The following ABCA7 variants were observed in gnomAD, a reference collection of about 807,000 sequenced individuals.
ABCA7 encodes ATP binding cassette subfamily A member 7.
Under a neutral mutation model 227.6 loss-of-function variants are expected in ABCA7, and 261 were observed. That is an observed-to-expected ratio of 1.15 (90% CI 1.04 to 1.27). The LOEUF (loss-of-function observed/expected upper bound fraction) is 1.27. Among genes scored for constraint, ABCA7 ranks in the 50% most tolerant of loss-of-function variants. ABCA7 has a pLI of 0.00. For synonymous variants in ABCA7, 1,488 were observed against 1,279.7 expected, an observed-to-expected ratio of 1.16 and a Z score of -3.47; for missense variants, 3,331 against 2,924.5, an observed-to-expected ratio of 1.14 and a Z score of -3.21.
Position 1,058,004 on chromosome 19 carries a change from T to G in ABCA7, c.4970T>G (p.Phe1657Cys). 6.2e-7 allele frequency: 1 copy of G among 1,614,076 alleles called. No individual in the cohort carries two copies. Among genetic ancestry groups the G allele is most frequent in the Non-Finnish European group, 8.5e-7 (1 of 1,180,024 alleles). Residue 1657 changes from phenylalanine (F) to cysteine (C), a missense_variant, in exon 36 of 47, where the codon TTT (phenylalanine) becomes TGT (cysteine). Transcript: ENST00000263094. ...GTGGTGCTCACCTGCATAAACCTCT[T>G]TATTGGCATCAATGGAAGCATGGCC... ...AYVVLTCINL[F>C]IGINGSMATF...
In ABCA7 at chr19:1,041,923, C is replaced by G. The variant is rs146597357; in HGVS notation, c.253C>G (p.Leu85Val). The change falls in exon 4 of 47, where the codon CTG becomes GTG. Residue 85 changes from leucine to valine, a missense_variant. Coordinates refer to ENST00000263094, the MANE Select transcript of ABCA7 (RefSeq NM_019112.4). Reference sequence around the variant, plus strand: ...TGTGAACAACACCTGCTTTCCGCAGCTGACACCGGGCGAGGAGCCCGGGCG... The same window carrying G: ...TGTGAACAACACCTGCTTTCCGCAGGTGACACCGGGCGAGGAGCCCGGGCG... ...CNVNNTCFPQ[L>V]TPGEEPGRLS... 2 of 1,599,566 alleles carry G rather than the reference C, an allele frequency of 1.3e-6. No individual in the cohort carries two copies. The highest frequency in any genetic ancestry group is 1.7e-6 in the Non-Finnish European group (2 of 1,177,776).
chr19:1,041,534 T>C lies in ABCA7; in HGVS notation c.91T>C (p.Trp31Arg). 6.2e-7 allele frequency: 1 copy of C among 1,613,704 alleles called. No homozygotes were observed. Among genetic ancestry groups the C allele is most frequent in the Non-Finnish European group, 8.5e-7 (1 of 1,180,026 alleles). ...QPVQLLVELLWPLFLFFILVA... is the reference protein window; with the variant it reads ...QPVQLLVELLRPLFLFFILVA... ...GGTCCAGCTCCTGGTCGAATTGCTGTGGCCTCTCTTCCTCTTCTTCATCCT... is the reference window on the plus strand; with the variant it reads ...GGTCCAGCTCCTGGTCGAATTGCTGCGGCCTCTCTTCCTCTTCTTCATCCT... The change falls in exon 3 of 47, where the codon TGG (tryptophan) becomes CGG (arginine). Residue 31 changes from tryptophan (W) to arginine (R), a missense_variant. Coordinates refer to ENST00000263094, the MANE Select transcript of ABCA7 (RefSeq NM_019112.4).
Position 1,046,924 on chromosome 19 carries a change from GC to G in ABCA7, c.1746del (p.Ala583ProfsTer11). 1 of 1,558,174 alleles carries G rather than the reference GC, an allele frequency of 6.4e-7. No individual in the cohort carries two copies. The highest frequency in any genetic ancestry group is 1.9e-5 in the Admixed American group (1 of 52,378). ...GAGACGCGGCTGCGGGACACCATGC[GC>G]GCCATGGGGCTCAGCCGCGCGGTGC... The part of the protein sequence containing the change: ...EKETRLRDTM[R>X]AMGLSRAVLW... On this transcript the variant is annotated frameshift_variant, in exon 14 of 47. Transcript: ENST00000263094. LOFTEE classifies it high-confidence loss of function.
rs769195821 is a variant in ABCA7, at chr19:1,045,235, A to G, written c.1445+4A>G. ...GGACCAATAAGATCAGGGACAGGTCAGGCGAGGGAGGGGGCGGGGGGATGA... is the reference window on the plus strand; with the variant it reads ...GGACCAATAAGATCAGGGACAGGTCGGGCGAGGGAGGGGGCGGGGGGATGA... On this transcript the variant is annotated splice_donor_region_variant and intron_variant, in intron 12 of 46. Coordinates refer to ENST00000263094, the MANE Select transcript of ABCA7 (RefSeq NM_019112.4). 14 of 1,042,984 alleles carry G rather than the reference A, an allele frequency of 1.3e-5. No individual in the cohort carries two copies. Among genetic ancestry groups the G allele is most frequent in the Non-Finnish European group, 2.0e-5 (14 of 717,330 alleles). 64.6% of individuals were successfully genotyped at this position (1,042,984 alleles called of 1,614,324 possible). A position where few individuals can be genotyped will look rare whatever the true frequency, so the allele number is the denominator to read the frequency against.
chr19:1,056,422 G>A lies in ABCA7; in HGVS notation c.4509G>A (p.Pro1503=), dbSNP rs113711363. 6,286 of 1,613,342 alleles carry A rather than the reference G, an allele frequency of 3.9e-3. 163 individuals are homozygous for A. In the African/African-American group the frequency reaches 0.064, roughly 16 times the overall value. The change falls in exon 33 of 47, where the codon CCG becomes CCA. Residue 1503 remains proline (P), a synonymous_variant. Transcript: ENST00000263094. The surrounding 1 kb of genome is among the most constrained non-coding windows in gnomAD (Gnocchi z 4.3). ...AILRAHLPPG[P]ARHAHSITTL... ...TCCGTGCTCACCTGCCCCCAGGCCC[G>A]GCCCGCCACGCCCACAGCATCACCA...
In ABCA7 at chr19:1,058,179, G is replaced by T. The variant is rs368743296; in HGVS notation, c.5059G>T (p.Val1687Phe). The change falls in exon 37 of 47, where the codon GTC (valine) becomes TTC (phenylalanine). Residue 1687 changes from valine (V) to phenylalanine (F), a missense_variant. Coordinates refer to ENST00000263094, the MANE Select transcript of ABCA7 (RefSeq NM_019112.4). ...LQEVSRILKQ[V>F]FLIFPHFCLG... ...GGAGGTGAGCCGGATCTTGAAACAG[G>T]TCTTCCTTATCTTCCCCCACTTCTG... 1.2e-6 allele frequency: 2 copies of T among 1,613,722 alleles called. No homozygotes were observed. The highest frequency in any genetic ancestry group is 8.5e-7 in the Non-Finnish European group (1 of 1,179,954).
intron 16 of ABCA7, 38 bp downstream of exon 16, chr19:1,047,692 C>A (rs760891196): frequency 6.5e-7 from 1 of 1,538,136 alleles, no homozygotes; most frequent in East Asian, 2.4e-5. Flanking sequence ...CCGGGTCGCA[C>A]CTGCTTTGCG....
At position 1,047,716 on chromosome 19, in the gene ABCA7, G is replaced by C. The variant is rs556804767; in HGVS notation, c.2269+62G>C. The C allele has an allele frequency of 1.1e-4, 160 of 1,494,704 alleles. 1 individual carries two copies. The East Asian group carries it at 3.9e-3, about 36-fold the overall frequency. 92.6% of individuals were successfully genotyped at this position (1,494,704 alleles called of 1,614,324 possible). A position where few individuals can be genotyped will look rare whatever the true frequency, so the allele number is the denominator to read the frequency against. ...ACCTGCTTTGCGGGAGGCTGAGCTA[G>C]GGGTGTGGCCTCCAGGCCGTTTGGG... On this transcript the variant is annotated intron_variant, in intron 16 of 46. Coordinates refer to ENST00000263094, the MANE Select transcript of ABCA7 (RefSeq NM_019112.4).
At position 1,046,883 on chromosome 19, in the gene ABCA7, C is replaced by T. The variant is rs1425588571; in HGVS notation, c.1704C>T (p.Ala568=). 3 of 1,548,774 alleles carry T rather than the reference C, an allele frequency of 1.9e-6. No homozygotes were observed. Among genetic ancestry groups the T allele is most frequent in the African/African-American group, 1.4e-5 (1 of 73,770 alleles). The change falls in exon 14 of 47, where the codon GCC becomes GCT. Residue 568 remains alanine, a synonymous_variant. Transcript: ENST00000263094. ...WIYSVTLTVK[A]VVREKETRLR... is the part of the protein sequence containing the mutation. ...ACTCCGTGACACTGACAGTGAAGGC[C>T]GTGGTGCGGGAGAAGGAGACGCGGC...
Position 1,047,463 on chromosome 19 carries a change from C to T in ABCA7, c.2078C>T (p.Ser693Leu). ...CCCGCTTTTCCGCAGAGCCTGCTGT[C>T]GCCCGTGGCCTTCGGCTTCGGCTGC... ...AGGRVAASLL[S>L]PVAFGFGCES... The change falls in exon 16 of 47, where the codon TCG becomes TTG. Residue 693 changes from serine to leucine, a missense_variant. Coordinates refer to ENST00000263094, the MANE Select transcript of ABCA7 (RefSeq NM_019112.4). 6.5e-7 allele frequency: 1 copy of T among 1,550,350 alleles called. No individual in the cohort carries two copies. Among genetic ancestry groups the T allele is most frequent in the Non-Finnish European group, 8.7e-7 (1 of 1,151,804 alleles).
At chr19:1,046,508 C>A (rs1489837738) in intron 13 of ABCA7, 102 bp downstream of exon 13, 3 of 1,464,618 alleles carry the variant, frequency 2.0e-6, no homozygotes, top group Admixed American at 2.3e-5. Flanking sequence ...GTCCAGGCTG[C>A]GAACTTTGCA....
Position 1,043,725 on chromosome 19 carries a change from G to C in ABCA7, c.931G>C (p.Val311Leu), listed in dbSNP as rs1223165223. The C allele has an allele frequency of 3.7e-6, 6 of 1,612,412 alleles. No individual in the cohort carries two copies. Among genetic ancestry groups the C allele is most frequent in the Non-Finnish European group, 5.1e-6 (6 of 1,179,926 alleles). The change falls in exon 10 of 47, where the codon GTG becomes CTG. Residue 311 changes from valine (V) to leucine (L), a missense_variant and splice_region_variant. Transcript: ENST00000263094. ...TCAGTGGAGGGGGTGCTGTCCACAG[G>C]TGAACCGGACCTTCGAGGAGCTCAC... is the stretch of plus-strand genomic sequence containing the variant. ...TPFTRKLMAQ[V>L]NRTFEELTLL...
Position 1,045,442 on chromosome 19 carries a change from G to T in ABCA7, c.1445+211G>T. 3 of 595,500 alleles carry T rather than the reference G, an allele frequency of 5.0e-6. No individual in the cohort carries two copies. The South Asian group carries it at 6.0e-5, about 12-fold the overall frequency. 36.9% of individuals were successfully genotyped at this position (595,500 alleles called of 1,614,324 possible). On this transcript the variant is annotated intron_variant, in intron 12 of 46. Transcript: ENST00000263094. ...AGGTGCATGAGGGGCGTGGCCATGG[G>T]CCTGAGATAAGATGAGAGCAGGTAT...
At chr19:1,052,745 A>C (rs2041887244) in intron 23 of ABCA7, among the ~76,000 whole-genome samples, 1 of 142,858 alleles carries the variant, frequency 7.0e-6, no homozygotes. Context: ...GGAGGAGAGC[A>C]CTTGAGAACC....
chr19:1,057,228 G>A (rs1203703714), intron 34 of ABCA7, 86 bp from the exon 35 acceptor site: 3 of 1,569,494 alleles, frequency 1.9e-6, no homozygotes, highest in Non-Finnish European at 1.7e-6. Flanking sequence ...TACTCAAAAA[G>A]CAAGGAGGTC....
intron 11 of ABCA7, 22 bp from the exon 12 acceptor site, chr19:1,044,980 G>T (rs2040468825): frequency 6.2e-7 from 1 of 1,610,720 alleles, no homozygotes. Flanking sequence ...CAGCGCCTAG[G>T]ACTCACCCCC....
At chr19:1,053,144 T>C (rs539906570) in intron 23 of ABCA7, among the ~76,000 whole-genome samples, 185 bp from the exon 24 acceptor site, 1 of 152,326 alleles carries the variant, frequency 6.6e-6, no homozygotes, top group East Asian at 1.9e-4. Context: ...TCTGCCTGCT[T>C]CAACCCTCAA....
chr19:1,055,179 T>C lies in ABCA7; in HGVS notation c.4033T>C (p.Cys1345Arg), dbSNP rs780608801. Residue 1345 changes from cysteine to arginine, a missense_variant, in exon 30 of 47, where the codon TGC becomes CGC. Cys to Arg is a radical substitution (Grantham distance 180). Transcript: ENST00000263094. ...GACCCCAGAGTCTCCATCCCCAGCC[T>C]GCCAGTGTAGCCGGCCCGGTGCCCG... ...NWTPESPSPA[C>R]QCSRPGARRL... The C allele has an allele frequency of 1.9e-6, 3 of 1,612,600 alleles. No homozygotes were observed. In the Admixed American group the frequency reaches 5.0e-5, roughly 27 times the overall value.
chr19:1,064,155 C>G lies in ABCA7; in HGVS notation c.5952-6C>G. The G allele has an allele frequency of 1.9e-6, 3 of 1,561,290 alleles. No homozygotes were observed. The highest frequency in any genetic ancestry group is 1.4e-5 in the African/African-American group (1 of 73,564). Reference sequence around the variant, plus strand: ...TCACGGAGCTCGTGGTGCCGGGTCCCGACAGCATGGAGGAGTGTGAAGCGC... The same window carrying G: ...TCACGGAGCTCGTGGTGCCGGGTCCGGACAGCATGGAGGAGTGTGAAGCGC... On this transcript the variant is annotated splice_region_variant and splice_polypyrimidine_tract_variant and intron_variant, in intron 44 of 46. Transcript: ENST00000263094.
Sources: allele counts gnomAD v4.1 joint callset (sites outside exome capture counted in the v4.1 genomes callset), GRCh38; gene constraint gnomAD v4.1.1; non-coding constraint Gnocchi (gnomAD v3.1); transcripts MANE v1.5; gene names NCBI Gene and HGNC (gene_info 2026-07-23, HGNC 2026-07-21).